KIF13B: variants seen among roughly 807,000 people sequenced by gnomAD.
KIF13B encodes the protein kinesin-like protein KIF13B.
KIF13B carries 127 observed loss-of-function variants against 222.0 expected under a neutral mutation model. That is an observed-to-expected ratio of 0.57 (90% CI 0.50 to 0.66). KIF13B has a LOEUF of 0.66. Ranked by LOEUF, KIF13B falls within the 30% of genes least tolerant of loss-of-function variation. The probability of loss-of-function intolerance (pLI) is 0.00; values close to 1 mark genes in which losing one functional copy is unlikely to be tolerated. For missense variants in KIF13B, 2,173 were observed against 2,379.0 expected (o/e 0.91, Z 1.80); for synonymous variants, 976 against 919.0 (o/e 1.06, Z -1.12).
chr8:29,167,535 A>C lies in KIF13B; in HGVS notation c.996T>G (p.Pro332=). Residue 332 remains proline (P), a synonymous_variant, in exon 11 of 40, where the codon CCT becomes CCG. Coordinates refer to ENST00000524189, the MANE Select transcript of KIF13B (RefSeq NM_015254.4). The stretch of plus-strand genomic sequence containing the variant: ...GGGTTTCATCATAGTTATCAGCTGC[A>C]GGACTCACAGTAGCCACCATGGCGG... The part of the protein sequence containing the change: ...SKTAMVATVS[P]AADNYDETLS... 1 of 1,614,048 alleles carries C rather than the reference A, an allele frequency of 6.2e-7. No homozygotes were observed. Among genetic ancestry groups the C allele is most frequent in the Non-Finnish European group, 8.5e-7 (1 of 1,179,884 alleles).
chr8:29,253,394 C>T (rs1313533746), intron 1 of KIF13B, among the ~76,000 whole-genome samples: 13 of 151,724 alleles, frequency 8.6e-5, no homozygotes, highest in Non-Finnish European at 1.2e-4. Context: ...AATGTTCATA[C>T]TCAAGAAATG....
At chr8:29,149,595 A>G (rs1426574562) in intron 15 of KIF13B, among the ~76,000 whole-genome samples, 1 of 152,206 alleles carries the variant, frequency 6.6e-6, no homozygotes, top group African/African-American at 2.4e-5. Flanking sequence ...GAAGGAGAAG[A>G]TTGCTGGGGA....
In KIF13B at chr8:29,215,670, C is replaced by T. The variant is rs532933934; in HGVS notation, c.150-19471G>A. Among the ~76,000 whole-genome samples, 8 of 152,302 alleles carry T rather than the reference C, an allele frequency of 5.3e-5. No homozygotes were observed. In the South Asian group the frequency reaches 8.3e-4, roughly 16 times the overall value. On this transcript the variant is annotated intron_variant, in intron 2 of 39. Transcript: ENST00000524189. ...TGGCACCACTGCACTCCAGCAGGGA[C>T]GACAAGGTGAGACCCTTTTTAATAA...
chr8:29,149,957 T>TA (rs1811225040), intron 15 of KIF13B, among the ~76,000 whole-genome samples: 1 of 152,126 alleles, frequency 6.6e-6, no homozygotes, highest in Non-Finnish European at 1.5e-5. Context: ...TACGTTTCCG[T>TA]AAAAAAATAA....
rs1811448458 is a variant in KIF13B, at chr8:29,154,866, T to C, written c.1535+860A>G. On this transcript the variant is annotated intron_variant, in intron 14 of 39. Transcript: ENST00000524189. Reference sequence around the variant, plus strand: ...CACTTGATCCTTCCCCAGAGCTTGATAGTCTCAATACTTGAAGACTTTATG... The same window carrying C: ...CACTTGATCCTTCCCCAGAGCTTGACAGTCTCAATACTTGAAGACTTTATG... Among the ~76,000 whole-genome samples the C allele has an allele frequency of 2.0e-5, 3 of 152,330 alleles. No homozygotes were observed. The South Asian group carries it at 6.2e-4, about 32-fold the overall frequency.
At chr8:29,250,748 T>C (rs923120286) in intron 1 of KIF13B, among the ~76,000 whole-genome samples, 1 of 152,098 alleles carries the variant, frequency 6.6e-6, no homozygotes, top group African/African-American at 2.4e-5. Flanking sequence ...CCCAATCAAA[T>C]AAAGGCAGTG....
intron 29 of KIF13B, among the ~76,000 whole-genome samples, chr8:29,122,298 G>C (rs1030763541): frequency 6.6e-6 from 1 of 152,100 alleles, no homozygotes; most frequent in East Asian, 1.9e-4. Context: ...TATTTTTAGT[G>C]CAGAAAAACA....
intron 13 of KIF13B, among the ~76,000 whole-genome samples, chr8:29,159,752 G>A (rs1684066351): frequency 6.6e-6 from 1 of 152,110 alleles, no homozygotes; most frequent in African/African-American, 2.4e-5. Context: ...CACATATGAA[G>A]GTATGCATCA....
At chr8:29,228,484 T>TATATATATATAC (rs1815141021) in intron 2 of KIF13B, among the ~76,000 whole-genome samples, 2 of 121,318 alleles carry the variant, frequency 1.6e-5, no homozygotes, top group Non-Finnish European at 3.5e-5. Context: ...TATATATATA[T>TATATATATATAC]ATATATGAGA....
Position 29,228,472 on chromosome 8 carries a change from A to AAAAAAAAAAAAATATATAT in KIF13B, c.149+16873_149+16874insATATATATTTTTTTTTTTT. On this transcript the variant is annotated intron_variant, in intron 2 of 39. Transcript: ENST00000524189. ...ACAGAGCCAGACTCCATCTTAAAAAAATATATATATATATATATGAGATAC... is the reference window on the plus strand; with the variant it reads ...ACAGAGCCAGACTCCATCTTAAAAAAAAAAAAAAAAAATATATATATATATATATATATATATGAGATAC... Among the ~76,000 whole-genome samples, 97 of 117,078 alleles carry AAAAAAAAAAAAATATATAT rather than the reference A, an allele frequency of 8.3e-4. 1 individual carries two copies. The highest frequency in any genetic ancestry group is 2.0e-3 in the South Asian group (7 of 3,490). 76.8% of individuals were successfully genotyped at this position (117,078 alleles called of 152,430 possible).
chr8:29,234,575 G>T (rs1349167870), intron 2 of KIF13B, among the ~76,000 whole-genome samples: 1 of 146,552 alleles, frequency 6.8e-6, no homozygotes, highest in Non-Finnish European at 1.5e-5. Context: ...TTCTGAAGAT[G>T]AATAGTGCTA....
At chr8:29,157,392 C>CAAAAA (rs371702237) in intron 13 of KIF13B, among the ~76,000 whole-genome samples, 2 of 89,150 alleles carry the variant, frequency 2.2e-5, no homozygotes, top group African/African-American at 4.4e-5. Flanking sequence ...TCGTCTCTAC[C>CAAAAA]AAAAAAAAAA....
intron 6 of KIF13B, among the ~76,000 whole-genome samples, chr8:29,185,492 A>T (rs1484923268): frequency 1.3e-5 from 2 of 152,246 alleles, no homozygotes; most frequent in Non-Finnish European, 2.9e-5. Context: ...TTTGTACAGA[A>T]GCACTGAGCA....
In KIF13B at chr8:29,140,067, C is replaced by T; in HGVS notation, c.2609G>A (p.Cys870Tyr). Residue 870 changes from cysteine (C) to tyrosine (Y), a missense_variant, in exon 21 of 40, where the codon TGC becomes TAC. This residue lies in a region of KIF13B where 1,480 missense variants were observed against 1,722.8 expected (regional missense o/e 0.86). Transcript: ENST00000524189. ...EKETQENKLV[C>Y]MVKILQATGL... ...TAGGATGAAGCTGGGACTTACCATG[C>T]ACACCAGTTTGTTCTCCTGGGTCTC... 6.3e-7 allele frequency: 1 copy of T among 1,584,520 alleles called. No homozygotes were observed.
rs572324594 is a variant in KIF13B, at chr8:29,253,440, T to A, written c.56-8001A>T. On this transcript the variant is annotated intron_variant, in intron 1 of 39. Coordinates refer to ENST00000524189, the MANE Select transcript of KIF13B (RefSeq NM_015254.4). ...GTGCAGTGGCTCATGCCTGTAATCC[T>A]AGCACTTTGGGAGGCTGAGGTGGGA... 5.9e-5 allele frequency among the ~76,000 whole-genome samples: 9 copies of A among 151,984 alleles called. No individual in the cohort carries two copies. The South Asian group carries it at 1.9e-3, about 32-fold the overall frequency.
Position 29,228,207 on chromosome 8 carries a change from T to C in KIF13B, c.149+17139A>G, listed in dbSNP as rs76501182. 1.0e-3 allele frequency among the ~76,000 whole-genome samples: 156 copies of C among 151,790 alleles called. 1 individual carries two copies. Among genetic ancestry groups the C allele is most frequent in the African/African-American group, 3.7e-3 (152 of 41,442 alleles). On this transcript the variant is annotated intron_variant, in intron 2 of 39. Coordinates refer to ENST00000524189, the MANE Select transcript of KIF13B (RefSeq NM_015254.4). ...TGGGCCGGGCTCAGTGGCTCACGCC[T>C]GTAATCTCAGCACTTTGGGAGTCCG... is the stretch of plus-strand genomic sequence containing the variant.
intron 2 of KIF13B, among the ~76,000 whole-genome samples, chr8:29,224,632 T>C (rs1186509046): frequency 6.6e-6 from 1 of 152,072 alleles, no homozygotes; most frequent in African/African-American, 2.4e-5. Flanking sequence ...GAAATAAAAG[T>C]GTAACCTTTT....
At chr8:29,095,749 A>G (rs1808492712) in intron 36 of KIF13B, among the ~76,000 whole-genome samples, 1 of 152,168 alleles carries the variant, frequency 6.6e-6, no homozygotes, top group Non-Finnish European at 1.5e-5. Context: ...CCTGGGCGAC[A>G]AGAGCAAAAC....
At chr8:29,242,304 C>T (rs1486770249) in intron 2 of KIF13B, among the ~76,000 whole-genome samples, 2 of 152,140 alleles carry the variant, frequency 1.3e-5, no homozygotes, top group Non-Finnish European at 2.9e-5. Context: ...AACTACTTTG[C>T]CTACCATGGT....
Sources: gnomAD v4.1 joint callset for allele counts (sites outside exome capture counted in the v4.1 genomes callset) on GRCh38, gnomAD v4.1.1 for gene constraint, gnomAD v4.1.1 regional missense constraint, MANE v1.5 for transcripts, NCBI Gene and HGNC (gene_info 2026-07-23, HGNC 2026-07-21) for gene names.